POLE4: variants seen among roughly 807,000 people sequenced by gnomAD.
POLE4 encodes DNA polymerase epsilon 4, accessory subunit.
A neutral mutation model predicts 15.6 loss-of-function variants in POLE4; 15 were observed. The ratio of observed to expected loss-of-function variants is 0.96; its 90% CI spans 0.64 to 1.48. The LOEUF (loss-of-function observed/expected upper bound fraction) is 1.48, where lower values mean the gene tolerates loss of function less well. POLE4 is among the 40% of genes most tolerant of loss of function. The pLI is 0.00. For synonymous variants in POLE4, 83 were observed against 63.2 expected, an observed-to-expected ratio of 1.31 and a Z score of -1.49; for missense variants, 205 against 151.9, an observed-to-expected ratio of 1.35 and a Z score of -1.84.
chr2:74,966,066 A>G (rs1279037150), intron 3 of POLE4, among the ~76,000 whole-genome samples: 2 of 147,328 alleles, frequency 1.4e-5, no homozygotes, highest in Non-Finnish European at 3.0e-5. Context: ...TTTTCTCTCA[A>G]TTTTTGGCCT....
chr2:74,958,970 G>T, intron 1 of POLE4, 78 bp downstream of exon 1: 1 of 1,345,776 alleles, frequency 7.4e-7, no homozygotes, highest in Non-Finnish European at 1.0e-6. Flanking sequence ...CCCGCGGGCG[G>T]GGCTTAGGGC....
intron 3 of POLE4, among the ~76,000 whole-genome samples, chr2:74,967,959 A>G (rs1671318894): frequency 6.6e-6 from 1 of 152,208 alleles, no homozygotes; most frequent in Non-Finnish European, 1.5e-5. Flanking sequence ...CTTAAGAAAG[A>G]TGGGTGTCAG....
At chr2:74,960,026 T>G in intron 2 of POLE4, 79 bp from the exon 3 acceptor site, 1 of 1,215,512 alleles carries the variant, frequency 8.2e-7, no homozygotes, top group Non-Finnish European at 1.2e-6. Context: ...CTCATGCCCT[T>G]CACTGCAGAT....
In POLE4 at chr2:74,965,434, T is replaced by C. The variant is rs890687666; in HGVS notation, c.341-3975T>C. The stretch of plus-strand genomic sequence containing the variant: ...CTTATCTATTCTCTGGAAAACTTAT[T>C]GAAAGATTGGAATTATTTTGTTTTT... On this transcript the variant is annotated intron_variant, in intron 3 of 3. Coordinates refer to ENST00000483063, the MANE Select transcript of POLE4 (RefSeq NM_019896.4). Among the ~76,000 whole-genome samples the C allele has an allele frequency of 2.6e-5, 4 of 152,176 alleles. No individual in the cohort carries two copies. The South Asian group carries it at 8.3e-4, about 32-fold the overall frequency.
At position 74,958,738 on chromosome 2, in the gene POLE4, G is replaced by A. The variant is rs1170944778; in HGVS notation, c.59G>A (p.Gly20Glu). Reference sequence around the variant, plus strand: ...CCCCGAGAGGAGGAGGGACCTGCTGGGGAGGCAGCGGCCTCGCAGCCCCAG... The same window carrying A: ...CCCCGAGAGGAGGAGGGACCTGCTGAGGAGGCAGCGGCCTCGCAGCCCCAG... ...GTPREEEGPAGEAAASQPQAP... is the reference protein window; with the variant it reads ...GTPREEEGPAEEAAASQPQAP... The change falls in exon 1 of 4, where the codon GGG becomes GAG. Residue 20 changes from glycine to glutamate, a missense_variant. Physicochemically the swap from Gly to Glu is moderately conservative, Grantham distance 98. Coordinates refer to ENST00000483063, the MANE Select transcript of POLE4 (RefSeq NM_019896.4). 6.5e-7 allele frequency: 1 copy of A among 1,529,104 alleles called. No homozygotes were observed. Among genetic ancestry groups the A allele is most frequent in the African/African-American group, 1.4e-5 (1 of 70,068 alleles). 94.7% of individuals were successfully genotyped at this position (1,529,104 alleles called of 1,614,324 possible).
rs763680380 is a variant in POLE4 at position 74,960,105 on chromosome 2, A to G, written c.299A>G (p.Asp100Gly). The G allele has an allele frequency of 3.1e-6, 5 of 1,613,650 alleles. No individual in the cohort carries two copies. In the Admixed American group the frequency reaches 6.7e-5, roughly 22 times the overall value. The change falls in exon 3 of 4, where the codon GAT (aspartate) becomes GGT (glycine). Residue 100 changes from aspartate (D) to glycine (G), a missense_variant and splice_region_variant. Asp to Gly is a moderately conservative substitution (Grantham distance 94). Transcript: ENST00000483063. ...GGTGTCTCTTTTCCTTGTGTTTCAG[A>G]TAATGCAATAGAAGCTGTGGATGAA... ...KRKTLQRRDL[D>G]NAIEAVDEFA...
At chr2:74,959,606 G>A (rs1671186459) in intron 2 of POLE4, 181 bp downstream of exon 2, 3 of 561,796 alleles carry the variant, frequency 5.3e-6, no homozygotes, top group East Asian at 3.0e-5. Flanking sequence ...TTGGGGTGGC[G>A]GGGCAGTGTG....
intron 1 of POLE4, 145 bp downstream of exon 1, chr2:74,959,037 C>A (rs548561999): frequency 4.1e-6 from 3 of 724,094 alleles, no homozygotes; most frequent in Admixed American, 2.9e-5. Flanking sequence ...GGAAAGGGGC[C>A]GGGGACCTGT....
At position 74,969,746 on chromosome 2, in the gene POLE4, T is replaced by C; in HGVS notation, c.*324T>C. 3.1e-6 allele frequency: 1 copy of C among 324,370 alleles called. No individual in the cohort carries two copies. Among genetic ancestry groups the C allele is most frequent in the Non-Finnish European group, 5.8e-6 (1 of 172,042 alleles). 20.1% of individuals were successfully genotyped at this position (324,370 alleles called of 1,614,324 possible). ...TGATCAACCTCAGTCCAGTGTGTTT[T>C]ATAATCTCGCCTTTGTTCCTACCCT... On this transcript the variant is annotated 3_prime_UTR_variant, in exon 4 of 4. Transcript: ENST00000483063.
At chr2:74,960,067 C>T in intron 2 of POLE4, 38 bp from the exon 3 acceptor site, 1 of 1,597,510 alleles carries the variant, frequency 6.3e-7, no homozygotes, top group Non-Finnish European at 8.6e-7. Context: ...GTCAGCATGG[C>T]TGAAGTTAGT....
At chr2:74,966,120 A>T (rs1187561713) in intron 3 of POLE4, among the ~76,000 whole-genome samples, 1 of 149,338 alleles carries the variant, frequency 6.7e-6, no homozygotes, top group African/African-American at 2.5e-5. Context: ...ATCAGCTTGG[A>T]AGTTATATGC....
chr2:74,961,157 A>C (rs1273873054), intron 3 of POLE4: 1 of 152,452 alleles, frequency 6.6e-6, no homozygotes, highest in Admixed American at 6.5e-5. Flanking sequence ...AAAGCCATGT[A>C]TCCTTATTCT....
intron 3 of POLE4, among the ~76,000 whole-genome samples, chr2:74,965,125 A>T (rs549694627): frequency 1.4e-5 from 2 of 141,084 alleles, no homozygotes; most frequent in African/African-American, 5.3e-5. Context: ...ATGGAGTCTC[A>T]CTCTGTTGCC....
At chr2:74,968,080 A>T (rs1671320158) in intron 3 of POLE4, among the ~76,000 whole-genome samples, 1 of 152,214 alleles carries the variant, frequency 6.6e-6, no homozygotes, top group Admixed American at 6.5e-5. Context: ...TGAGAGCAGA[A>T]GTAACATTAG....
intron 1 of POLE4, 91 bp downstream of exon 1, chr2:74,958,983 C>T (rs972592684): frequency 2.3e-5 from 29 of 1,234,530 alleles, no homozygotes; most frequent in African/African-American, 4.6e-5. Context: ...CTTAGGGCGG[C>T]GTGGCCCGGG....
intron 3 of POLE4, among the ~76,000 whole-genome samples, chr2:74,963,799 A>G (rs973124789): frequency 9.2e-5 from 14 of 152,230 alleles, no homozygotes; most frequent in Middle Eastern, 3.4e-3. Context: ...CGTGCTTGTT[A>G]TATTTTAGAT....
intron 3 of POLE4, among the ~76,000 whole-genome samples, chr2:74,960,778 G>A (rs1378222845): frequency 1.3e-5 from 2 of 152,228 alleles, no homozygotes; most frequent in African/African-American, 4.8e-5. Flanking sequence ...GCCATGGACT[G>A]CTCACATGAG....
At chr2:74,968,311 C>T (rs1043283121) in intron 3 of POLE4, among the ~76,000 whole-genome samples, 8 of 151,674 alleles carry the variant, frequency 5.3e-5, no homozygotes, top group Non-Finnish European at 8.8e-5. Context: ...CCTATATTAT[C>T]TAGGTCATTA....
At chr2:74,960,370 G>A (rs538772594) in intron 3 of POLE4, 59 of 583,138 alleles carry the variant, frequency 1.0e-4, no homozygotes, top group South Asian at 6.1e-4. Flanking sequence ...TAAAGAAATA[G>A]GAGGGAATAT....
Sources: allele counts gnomAD v4.1 joint callset (sites outside exome capture counted in the v4.1 genomes callset), GRCh38; gene constraint gnomAD v4.1.1; transcripts MANE v1.5; gene names NCBI Gene and HGNC (gene_info 2026-07-23, HGNC 2026-07-21).